PKD1: variants seen among roughly 807,000 people sequenced by gnomAD.
PKD1 encodes polycystin 1, transient receptor potential channel interacting, also known as polycystin-1.
In PKD1, 81 loss-of-function variants were observed where a neutral mutation model predicts 361.7. The observed-to-expected ratio is 0.22, with a 90% CI of 0.19 to 0.27. The LOEUF (loss-of-function observed/expected upper bound fraction) is 0.27. Ranked by LOEUF, PKD1 falls within the 10% of genes least tolerant of loss-of-function variation. The pLI is 1.00. For synonymous variants in PKD1, 3,615 were observed against 2,818.3 expected (o/e 1.28, Z -8.95); for missense variants, 6,399 against 6,118.3 (o/e 1.05, Z -1.53).
chr16:2,102,988 G>C lies in PKD1; in HGVS notation c.8792-18C>G. 4 of 1,600,598 alleles carry C rather than the reference G, an allele frequency of 2.5e-6. No homozygotes were observed. Among genetic ancestry groups the C allele is most frequent in the Non-Finnish European group, 3.4e-6 (4 of 1,179,538 alleles). ...GTAGTGGCCTGGGGCAGAACGCGCAGGTCACACGCCTGCCGGGAAGCTCAA... is the reference window on the plus strand; with the variant it reads ...GTAGTGGCCTGGGGCAGAACGCGCACGTCACACGCCTGCCGGGAAGCTCAA... On this transcript the variant is annotated intron_variant, in intron 23 of 45. Transcript: ENST00000262304.
chr16:2,099,438 G>A (rs868659749), intron 30 of PKD1: 34 of 672,088 alleles, frequency 5.1e-5, no homozygotes, highest in Admixed American at 1.7e-4. Flanking sequence ...AAGTGCCCTC[G>A]TTCTTTCACC....
intron 26 of PKD1, among the ~76,000 whole-genome samples, chr16:2,101,161 T>C (rs1273268878): frequency 1.3e-5 from 2 of 152,060 alleles, no homozygotes; most frequent in Non-Finnish European, 2.9e-5. Flanking sequence ...AATTTTTTTG[T>C]ACTTTTTATT....
rs888298884 is a variant in PKD1, at chr16:2,097,488, G to C, written c.10236C>G (p.Pro3412=). 2.7e-5 allele frequency: 43 copies of C among 1,602,010 alleles called. No homozygotes were observed. Among genetic ancestry groups the C allele is most frequent in the Non-Finnish European group, 3.1e-5 (36 of 1,179,842 alleles). ...GCCAACTGAGCGTTCCCTCGCCGGA[G>C]GGCCAGCACACCAGACTGCAGGTGG... ...LDDSKSLVCW[P]SGEGTLSWPD... Residue 3412 remains proline, a synonymous_variant, in exon 33 of 46, where the codon CCC becomes CCG. Coordinates refer to ENST00000262304, the MANE Select transcript of PKD1 (RefSeq NM_001009944.3).
chr16:2,093,342 T>C (rs1032209719), intron 37 of PKD1: 35 of 677,114 alleles, frequency 5.2e-5, no homozygotes, highest in Non-Finnish European at 7.5e-5. Flanking sequence ...GGAGTGGGCA[T>C]TGGAGCTGGG....
rs1430801132 is a variant in PKD1 at position 2,112,485 on chromosome 16, G to A, written c.3162-12C>T. 1.3e-5 allele frequency: 20 copies of A among 1,585,660 alleles called. No individual in the cohort carries two copies. Among genetic ancestry groups the A allele is most frequent in the Admixed American group, 1.7e-5 (1 of 58,594 alleles). On this transcript the variant is annotated splice_polypyrimidine_tract_variant and intron_variant, in intron 13 of 45. Transcript: ENST00000262304. ...CCCCAAAGGTCCACCTGCCGGGGCGGTGGGACGCAGTGAGTGAACCGGGAC... is the reference window on the plus strand; with the variant it reads ...CCCCAAAGGTCCACCTGCCGGGGCGATGGGACGCAGTGAGTGAACCGGGAC...
Position 2,103,394 on chromosome 16 carries a change from C to T in PKD1, c.8663G>A (p.Arg2888His), listed in dbSNP as rs200168879. Residue 2888 changes from arginine to histidine, a missense_variant, in exon 23 of 46, where the codon CGC (arginine) becomes CAC (histidine). Physicochemically the swap from Arg to His is conservative, Grantham distance 29. Coordinates refer to ENST00000262304, the MANE Select transcript of PKD1 (RefSeq NM_001009944.3). ...NNSDWAARGHRSSANSANSVV... is the reference protein window; with the variant it reads ...NNSDWAARGHHSSANSANSVV... The stretch of plus-strand genomic sequence containing the variant: ...GGAGTTGGCGGAGTTGGCGGAGCTG[C>T]GGTGGCCCCGGGCAGCCCAGTCCGA... The T allele has an allele frequency of 2.4e-4, 376 of 1,599,800 alleles. 1 individual carries two copies. The highest frequency in any genetic ancestry group is 3.2e-4 in the Admixed American group (19 of 59,974).
rs770648086 is a variant in PKD1 at position 2,097,452 on chromosome 16, G to C, written c.10272C>G (p.Leu3424=). Residue 3424 remains leucine (L), a synonymous_variant, in exon 33 of 46, where the codon CTC becomes CTG. Transcript: ENST00000262304. ...GEGTLSWPDL[L]SDPSIVGSNL... is the part of the protein sequence containing the mutation. ...TGCTACCCACAATGGACGGGTCACT[G>C]AGCAGGTCCGGCCAACTGAGCGTTC... The C allele has an allele frequency of 6.2e-7, 1 of 1,605,364 alleles. No homozygotes were observed. The highest frequency in any genetic ancestry group is 1.3e-5 in the African/African-American group (1 of 74,932).
chr16:2,090,478 G>A lies in PKD1; in HGVS notation c.12251C>T (p.Pro4084Leu), dbSNP rs752697395. 36 of 1,612,048 alleles carry A rather than the reference G, an allele frequency of 2.2e-5. No individual in the cohort carries two copies. In the Admixed American group the frequency reaches 4.2e-4, roughly 19 times the overall value. ...LCPAESWHLS[P>L]LLCVGLWALR... ...TGCCCAGAGCCCCACACACAGCAGG[G>A]GTGACAGGTGCCAGGACTCGGCAGG... The change falls in exon 45 of 46, where the codon CCC becomes CTC. Residue 4084 changes from proline to leucine, a missense_variant. Physicochemically the swap from Pro to Leu is moderately conservative, Grantham distance 98 (BLOSUM62 -3). Coordinates refer to ENST00000262304, the MANE Select transcript of PKD1 (RefSeq NM_001009944.3).
chr16:2,119,576 G>A (rs909828941), intron 1 of PKD1, among the ~76,000 whole-genome samples, 198 bp from the exon 2 acceptor site: 2 of 152,202 alleles, frequency 1.3e-5, no homozygotes, highest in African/African-American at 2.4e-5. Context: ...GCCAGGAGAG[G>A]CCTGGGGGCC....
chr16:2,090,449 G>A lies in PKD1; in HGVS notation c.12280C>T (p.Arg4094Trp), dbSNP rs772437626. Residue 4094 changes from arginine (R) to tryptophan (W), a missense_variant, in exon 45 of 46, where the codon CGG becomes TGG. Arg to Trp is a moderately radical substitution (Grantham distance 101, BLOSUM62 -3). Transcript: ENST00000262304. ...CCCAGCCGTAGGGCGCCCCACAGCC[G>A]CAGTGCCCAGAGCCCCACACACAGC... The part of the protein sequence containing the change: ...PLLCVGLWAL[R>W]LWGALRLGAV... 2 of 1,612,338 alleles carry A rather than the reference G, an allele frequency of 1.2e-6. No individual in the cohort carries two copies. The highest frequency in any genetic ancestry group is 2.2e-5 in the East Asian group (1 of 44,862).
At chr16:2,091,980 C>T (rs759323548) in intron 40 of PKD1, 67 bp downstream of exon 40, 165 of 1,612,028 alleles carry the variant, frequency 1.0e-4, no homozygotes, top group Admixed American at 1.8e-4. Flanking sequence ...GTCAGGAGGC[C>T]GCGGCACTCC....
chr16:2,122,131 C>T (rs1337335248), intron 1 of PKD1, among the ~76,000 whole-genome samples: 1 of 152,254 alleles, frequency 6.6e-6, no homozygotes, highest in Non-Finnish European at 1.5e-5. Flanking sequence ...GCTGAGGGGA[C>T]AGAGCAGCCG....
rs527753637 is a variant in PKD1, at chr16:2,118,148, C to T, written c.844G>A (p.Gly282Arg). ...SPGATLVGPHGPLASGQLAAF... is the reference protein window; with the variant it reads ...SPGATLVGPHRPLASGQLAAF... ...GCTAGCTGGCCAGAGGCCAGAGGTC[C>T]GTGGGGCCCCACCAGGGTGGCCCCT... Residue 282 changes from glycine to arginine, a missense_variant, in exon 5 of 46, where the codon GGA becomes AGA. Coordinates refer to ENST00000262304, the MANE Select transcript of PKD1 (RefSeq NM_001009944.3). This position sits in a 1 kb window ranked among gnomAD's most constrained non-coding sequence, Gnocchi z 6.0. The T allele has an allele frequency of 8.8e-6, 14 of 1,587,434 alleles. No individual in the cohort carries two copies. Among genetic ancestry groups the T allele is most frequent in the Middle Eastern group, 2.3e-4 (1 of 4,410 alleles).
chr16:2,090,069 G>A lies in PKD1; in HGVS notation c.12570C>T (p.Ser4190=), dbSNP rs140421738. Residue 4190 remains serine (S), a synonymous_variant, in exon 46 of 46, where the codon TCC becomes TCT. Transcript: ENST00000262304. The part of the protein sequence containing the change: ...AGSDASHPST[S]SSQLDGLSVS... Reference sequence around the variant, plus strand: ...CGCTCAGCCCATCCAGCTGGCTGGAGGAGGTGGAGGGGTGCGAGGCATCGG... The same window carrying A: ...CGCTCAGCCCATCCAGCTGGCTGGAAGAGGTGGAGGGGTGCGAGGCATCGG... The A allele has an allele frequency of 2.2e-4, 362 of 1,610,702 alleles. 1 individual carries two copies. Among genetic ancestry groups the A allele is most frequent in the African/African-American group, 1.5e-4 (11 of 74,902 alleles).
rs753798096 is a variant in PKD1, at chr16:2,105,910, C to G, written c.7818G>C (p.Gln2606His). The change falls in exon 20 of 46, where the codon CAG becomes CAC. Residue 2606 changes from glutamine to histidine, a missense_variant. Gln to His is a conservative substitution (Grantham distance 24). Transcript: ENST00000262304. ...GGGCCAACGAGTACTCGATGACGTG[C>G]TGGGGATCGGCCTGCCGCAGCAGCC... ...LPGLLRQADPQHVIEYSLALV... is the reference protein window; with the variant it reads ...LPGLLRQADPHHVIEYSLALV... 18 of 1,596,824 alleles carry G rather than the reference C, an allele frequency of 1.1e-5. No homozygotes were observed. In the South Asian group the frequency reaches 1.9e-4, roughly 17 times the overall value.
intron 1 of PKD1, among the ~76,000 whole-genome samples, chr16:2,122,390 C>T (rs1168665976): frequency 6.6e-6 from 1 of 152,198 alleles, no homozygotes; most frequent in Non-Finnish European, 1.5e-5. Context: ...ACACAGGGAA[C>T]GGCCCCTCCG....
At position 2,108,911 on chromosome 16, in the gene PKD1, T is replaced by C. The variant is rs2092429498; in HGVS notation, c.6256A>G (p.Ser2086Gly). ...SAQFEAATSP[S>G]PRRVAYHWDF... ...CAGTGGTAGGCCACACGCCGGGGGC[T>C]GGGGCTGGTGGCGGCCTCAAACTGC... The change falls in exon 15 of 46, where the codon AGC becomes GGC. Residue 2086 changes from serine to glycine, a missense_variant. Ser to Gly is a moderately conservative substitution (Grantham distance 56, BLOSUM62 0). Transcript: ENST00000262304. 2 of 1,587,990 alleles carry C rather than the reference T, an allele frequency of 1.3e-6. No homozygotes were observed. Among genetic ancestry groups the C allele is most frequent in the Non-Finnish European group, 1.7e-6 (2 of 1,168,986 alleles).
At chr16:2,105,126 G>A (rs767000737) in intron 21 of PKD1, among the ~76,000 whole-genome samples, 196 bp downstream of exon 21, 140 of 149,766 alleles carry the variant, frequency 9.3e-4, no homozygotes, top group Middle Eastern at 3.4e-3. Flanking sequence ...TGGGTCCCCC[G>A]AGAGGCACCC....
At chr16:2,104,396 G>T in intron 22 of PKD1, 102 bp downstream of exon 22, 1 of 693,368 alleles carries the variant, frequency 1.4e-6, no homozygotes, top group Non-Finnish European at 2.3e-6. Context: ...GGAGGGGGAC[G>T]AAGATGGGAT....
Sources: allele counts gnomAD v4.1 joint callset (sites outside exome capture counted in the v4.1 genomes callset), GRCh38; gene constraint gnomAD v4.1.1; non-coding constraint Gnocchi (gnomAD v3.1); transcripts MANE v1.5; gene names NCBI Gene and HGNC (gene_info 2026-07-23, HGNC 2026-07-21).